The following DOCK2 variants were observed in gnomAD, a reference collection of about 807,000 sequenced individuals.
The protein encoded by DOCK2 is dedicator of cytokinesis protein 2.
Under a neutral mutation model 248.9 loss-of-function variants are expected in DOCK2, and 87 were observed. The observed-to-expected ratio is 0.35, with a 90% CI of 0.29 to 0.42. DOCK2 has a LOEUF of 0.42. DOCK2 is among the 10% of genes least tolerant of loss of function. The pLI, the probability that DOCK2 is intolerant of heterozygous loss-of-function variation, is 1.00. For synonymous variants in DOCK2, 805 were observed against 821.6 expected (o/e 0.98, Z 0.35); for missense variants, 1,747 against 2,300.2 (o/e 0.76, Z 4.92).
chr5:169,959,746 A>G (rs1488842955), intron 27 of DOCK2, among the ~76,000 whole-genome samples: 1 of 152,232 alleles, frequency 6.6e-6, no homozygotes, highest in Non-Finnish European at 1.5e-5. Flanking sequence ...CATCCTAGTT[A>G]TTCCACATCC....
At chr5:169,765,968 G>A (rs934116066) in intron 25 of DOCK2, among the ~76,000 whole-genome samples, 1 of 152,200 alleles carries the variant, frequency 6.6e-6, no homozygotes, top group Admixed American at 6.5e-5. Context: ...GGAAAAGAGG[G>A]ATGGAAATAA....
chr5:170,018,867 T>C, intron 32 of DOCK2, 93 bp from the exon 33 acceptor site: 1 of 1,472,498 alleles, frequency 6.8e-7, no homozygotes, highest in Non-Finnish European at 9.2e-7. Flanking sequence ...TTTACTATTA[T>C]GCTTCCCTTT....
chr5:169,825,235 A>G (rs1581246948), intron 26 of DOCK2, among the ~76,000 whole-genome samples: 2 of 152,336 alleles, frequency 1.3e-5, no homozygotes, highest in Admixed American at 1.3e-4. Context: ...ATCTAGAACT[A>G]GAAATACCAT....
chr5:169,882,076 C>T (rs261074), intron 27 of DOCK2, among the ~76,000 whole-genome samples: 28,839 of 152,016 alleles, frequency 0.19, 4,357 homozygotes, highest in African/African-American at 0.42. Context: ...TGGGCCAGCC[C>T]GTCATCAAAG....
intron 33 of DOCK2, among the ~76,000 whole-genome samples, chr5:170,026,883 C>A (rs1049461206): frequency 6.6e-6 from 1 of 152,176 alleles, no homozygotes; most frequent in African/African-American, 2.4e-5. Flanking sequence ...CTGACATTTG[C>A]TCCATGTTTT....
intron 29 of DOCK2, among the ~76,000 whole-genome samples, chr5:169,992,526 G>A (rs774908137): frequency 2.0e-5 from 3 of 152,218 alleles, no homozygotes; most frequent in Non-Finnish European, 4.4e-5. Context: ...GTGCAGTGGT[G>A]TGATCTCGGC....
At position 169,714,116 on chromosome 5, in the gene DOCK2, G is replaced by A. The variant is rs754423163; in HGVS notation, c.1748G>A (p.Ser583Asn). 6.2e-7 allele frequency: 1 copy of A among 1,613,798 alleles called. No homozygotes were observed. The highest frequency in any genetic ancestry group is 8.5e-7 in the Non-Finnish European group (1 of 1,179,870). The change falls in exon 18 of 52, where the codon AGC becomes AAC. Residue 583 changes from serine to asparagine, a missense_variant. Transcript: ENST00000520908. ...GTGGAAAACAAGGGGGCCACGCTGA[G>A]CAGGAGCTCCAGCAGTGTTGGGGGG... Reference protein sequence around the residue: ...HHVENKGATLSRSSSSVGGLS... With the variant: ...HHVENKGATLNRSSSSVGGLS...
chr5:169,931,375 A>T (rs1201949541), intron 27 of DOCK2, among the ~76,000 whole-genome samples: 1 of 152,202 alleles, frequency 6.6e-6, no homozygotes, highest in Non-Finnish European at 1.5e-5. Context: ...GCTTGCCTTG[A>T]TATTGCCGCC....
At chr5:169,948,798 C>T (rs1422564408) in intron 27 of DOCK2, among the ~76,000 whole-genome samples, 4 of 151,806 alleles carry the variant, frequency 2.6e-5, no homozygotes, top group African/African-American at 7.3e-5. Context: ...TTCTGACACC[C>T]ACTCAGGGCC....
chr5:169,773,629 T>G (rs1765219322), intron 25 of DOCK2, among the ~76,000 whole-genome samples: 1 of 152,174 alleles, frequency 6.6e-6, no homozygotes, highest in Non-Finnish European at 1.5e-5. Context: ...AGGTTATGCA[T>G]TTACTCCAAA....
At chr5:169,655,834 T>C (rs1391181108) in intron 2 of DOCK2, among the ~76,000 whole-genome samples, 1 of 152,208 alleles carries the variant, frequency 6.6e-6, no homozygotes, top group Non-Finnish European at 1.5e-5. Flanking sequence ...TCAAGACAAC[T>C]TTAAAAGGGG....
chr5:170,073,349 A>G (rs993145077), intron 46 of DOCK2, among the ~76,000 whole-genome samples: 3 of 152,076 alleles, frequency 2.0e-5, no homozygotes, highest in Non-Finnish European at 2.9e-5. Context: ...CCAATACCAC[A>G]CCATCTTAGG....
chr5:169,785,238 A>G (rs1338619664), intron 25 of DOCK2, among the ~76,000 whole-genome samples: 3 of 152,204 alleles, frequency 2.0e-5, no homozygotes, highest in Admixed American at 6.5e-5. Context: ...CAGTATGTGA[A>G]TGCATTTGAA....
At chr5:169,642,832 TTG>T (rs756223945) in intron 1 of DOCK2, among the ~76,000 whole-genome samples, 12 of 152,224 alleles carry the variant, frequency 7.9e-5, no homozygotes, top group Admixed American at 6.5e-4. Context: ...TGAAGACAGA[TTG>T]TGTTTTCTAA....
intron 7 of DOCK2, among the ~76,000 whole-genome samples, chr5:169,683,616 C>G (rs533563399): frequency 6.6e-6 from 1 of 152,244 alleles, no homozygotes; most frequent in African/African-American, 2.4e-5. Context: ...TTTAACTTAG[C>G]CATTCTAGTG....
intron 2 of DOCK2, among the ~76,000 whole-genome samples, 195 bp downstream of exon 2, chr5:169,654,681 C>A (rs1265062775): frequency 6.6e-6 from 1 of 152,208 alleles, no homozygotes; most frequent in African/African-American, 2.4e-5. Context: ...ATAGCAAAAG[C>A]CTAACTGGGT....
rs553740550 is a variant in DOCK2 at position 169,917,880 on chromosome 5, G to A, written c.2800-65188G>A. On this transcript the variant is annotated intron_variant, in intron 27 of 51. Coordinates refer to ENST00000520908, the MANE Select transcript of DOCK2 (RefSeq NM_004946.3). ...TCCCTTTCCACTGGTATTTCATTCT[G>A]GAAACTGAAATGGGACATTAAATAA... Among the ~76,000 whole-genome samples, 5 of 152,286 alleles carry A rather than the reference G, an allele frequency of 3.3e-5. No individual in the cohort carries two copies. In the South Asian group the frequency reaches 1.0e-3, roughly 32 times the overall value.
At chr5:169,949,918 C>T (rs1191034414) in intron 27 of DOCK2, among the ~76,000 whole-genome samples, 2 of 152,034 alleles carry the variant, frequency 1.3e-5, no homozygotes, top group African/African-American at 2.4e-5. Context: ...TCTTCTTTCT[C>T]GATTTTCTTT....
rs142220676 is a variant in DOCK2, at chr5:170,078,431, C to T, written c.4995-544C>T. Reference sequence around the variant, plus strand: ...TCACAGTTCTAGGGGGCATCATTCACAATTCTAGGGGGCACCATTCACCCT... The same window carrying T: ...TCACAGTTCTAGGGGGCATCATTCATAATTCTAGGGGGCACCATTCACCCT... On this transcript the variant is annotated intron_variant, in intron 48 of 51. Coordinates refer to ENST00000520908, the MANE Select transcript of DOCK2 (RefSeq NM_004946.3). 4.7e-4 allele frequency among the ~76,000 whole-genome samples: 71 copies of T among 152,318 alleles called. 1 individual carries two copies. In the East Asian group the frequency reaches 8.7e-3, roughly 19 times the overall value.
Sources: gnomAD v4.1 joint callset for allele counts (sites outside exome capture counted in the v4.1 genomes callset) on GRCh38, gnomAD v4.1.1 for gene constraint, MANE v1.5 for transcripts, NCBI Gene and HGNC (gene_info 2026-07-23, HGNC 2026-07-21) for gene names.